Variants in LUC7L3 observed in about 807,000 individuals in gnomAD.
LUC7L3 encodes the protein luc7-like protein 3.
LUC7L3 carries 6 observed loss-of-function variants against 66.8 expected under a neutral mutation model. The observed-to-expected ratio is 0.09, with a 90% CI of 0.05 to 0.18. The LOEUF (loss-of-function observed/expected upper bound fraction) is 0.18, where lower values mean the gene tolerates loss of function less well. Ranked by LOEUF, LUC7L3 falls within the 10% of genes least tolerant of loss-of-function variation. The pLI is 1.00. For missense variants in LUC7L3, 341 were observed against 531.1 expected (o/e 0.64, Z 3.52); for synonymous variants, 160 against 174.7 (o/e 0.92, Z 0.66).
Position 50,751,659 on chromosome 17 carries a change from G to A in LUC7L3, c.*998G>A, listed in dbSNP as rs1417798609. On this transcript the variant is annotated 3_prime_UTR_variant, in exon 10 of 10. Transcript: ENST00000505658. ...CAATGCAATTCTCAAGTCTATAAGA[G>A]GTATGTGCTTAATATTTCCTACTGT... The A allele has an allele frequency of 1.8e-6, 2 of 1,093,934 alleles. No homozygotes were observed. The highest frequency in any genetic ancestry group is 2.2e-6 in the Non-Finnish European group (2 of 891,936). The allele number at this position is 1,093,934 out of a possible 1,614,324, so 67.8% of individuals were successfully genotyped here. A position where few individuals can be genotyped will look rare whatever the true frequency, so the allele number is the denominator to read the frequency against.
chr17:50,743,854 G>C (rs1214403884), intron 6 of LUC7L3, 44 bp downstream of exon 6: 1 of 1,347,290 alleles, frequency 7.4e-7, no homozygotes, highest in Non-Finnish European at 1.1e-6. Context: ...TCTGTTAACA[G>C]TTAGTAGGAA....
intron 1 of LUC7L3, among the ~76,000 whole-genome samples, chr17:50,726,359 A>G (rs538232173): frequency 1.3e-5 from 2 of 152,010 alleles, no homozygotes; most frequent in Admixed American, 1.3e-4. Flanking sequence ...TTTAGTAGAG[A>G]TGGGGTTTTG....
chr17:50,731,181 C>G, intron 1 of LUC7L3, among the ~76,000 whole-genome samples: 1 of 152,036 alleles, frequency 6.6e-6, no homozygotes, highest in East Asian at 1.9e-4. Context: ...TGGGTTTATT[C>G]TTTTTTTGAG....
chr17:50,732,768 G>T (rs903649494), intron 1 of LUC7L3, among the ~76,000 whole-genome samples: 1 of 151,956 alleles, frequency 6.6e-6, no homozygotes, highest in Non-Finnish European at 1.5e-5. Flanking sequence ...GACAGGTTGC[G>T]TTCTGTCACC....
chr17:50,752,383 CAT>C lies in LUC7L3; in HGVS notation c.*1723_*1724del, dbSNP rs1971017088. 1 of 392,988 alleles carries C rather than the reference CAT, an allele frequency of 2.5e-6. No individual in the cohort carries two copies. Among genetic ancestry groups the C allele is most frequent in the South Asian group, 2.9e-5 (1 of 34,668 alleles). The allele number at this position is 392,988 out of a possible 1,614,324, so 24.3% of individuals were successfully genotyped here. A position where few individuals can be genotyped will look rare whatever the true frequency, so the allele number is the denominator to read the frequency against. Reference sequence around the variant, plus strand: ...TGATGTGACCTACCAGATTTCAGAACATGTGTTAATAGTATATATGCCACTGA... The same window carrying C: ...TGATGTGACCTACCAGATTTCAGAACGTGTTAATAGTATATATGCCACTGA... On this transcript the variant is annotated 3_prime_UTR_variant, in exon 10 of 10. Coordinates refer to ENST00000505658, the MANE Select transcript of LUC7L3 (RefSeq NM_016424.5).
chr17:50,746,594 A>G lies in LUC7L3; in HGVS notation c.1030A>G (p.Arg344Gly). 1 of 1,614,162 alleles carries G rather than the reference A, an allele frequency of 6.2e-7. No homozygotes were observed. ...CCATGATCGATCAGAAAGAAAACAC[A>G]GATCTCGAAGTCGGGATCGAAGAAG... ...RSHDRSERKH[R>G]SRSRDRRRSK... Residue 344 changes from arginine (R) to glycine (G), a missense_variant, in exon 9 of 10, where the codon AGA becomes GGA. Physicochemically the swap from Arg to Gly is moderately radical, Grantham distance 125. Coordinates refer to ENST00000505658, the MANE Select transcript of LUC7L3 (RefSeq NM_016424.5).
At chr17:50,735,039 T>C (rs1400356661) in intron 1 of LUC7L3, among the ~76,000 whole-genome samples, 1 of 152,114 alleles carries the variant, frequency 6.6e-6, no homozygotes, top group Non-Finnish European at 1.5e-5. Flanking sequence ...GAGACCAGCC[T>C]AACCAACATG....
In LUC7L3 at chr17:50,743,806, C is replaced by T. The variant is rs1262728141; in HGVS notation, c.527C>T (p.Thr176Met). 5 of 1,606,560 alleles carry T rather than the reference C, an allele frequency of 3.1e-6. No homozygotes were observed. Among genetic ancestry groups the T allele is most frequent in the Non-Finnish European group, 4.3e-6 (5 of 1,173,602 alleles). The change falls in exon 6 of 10, where the codon ACG becomes ATG. Residue 176 changes from threonine to methionine, a missense_variant. Transcript: ENST00000505658. ...KEERELLRSTTSTIESFAAQE... is the reference protein window; with the variant it reads ...KEERELLRSTMSTIESFAAQE... ...GAGAGAGAACTGCTAAGGTCCACAA[C>T]GTCGGTGAGTAAACCTTATTTCACA...
At chr17:50,737,191 A>G in intron 2 of LUC7L3, 165 bp downstream of exon 2, 1 of 639,972 alleles carries the variant, frequency 1.6e-6, no homozygotes, top group Non-Finnish European at 2.8e-6. Flanking sequence ...GTATTAATAA[A>G]TGTCAGTCTG....
intron 3 of LUC7L3, 66 bp from the exon 4 acceptor site, chr17:50,741,036 T>C: frequency 6.7e-7 from 1 of 1,499,364 alleles, no homozygotes; most frequent in South Asian, 1.1e-5. Context: ...CTAGTTAAGA[T>C]AGAATATTTG....
Position 50,751,706 on chromosome 17 carries a change from C to G in LUC7L3, c.*1045C>G. 1 of 1,054,468 alleles carries G rather than the reference C, an allele frequency of 9.5e-7. No individual in the cohort carries two copies. The highest frequency in any genetic ancestry group is 1.1e-6 in the Non-Finnish European group (1 of 870,076). The allele number at this position is 1,054,468 out of a possible 1,614,324, so 65.3% of individuals were successfully genotyped here. On this transcript the variant is annotated 3_prime_UTR_variant, in exon 10 of 10. Coordinates refer to ENST00000505658, the MANE Select transcript of LUC7L3 (RefSeq NM_016424.5). Reference sequence around the variant, plus strand: ...CTGTGTAGGAGAATTTGCAGTCAGCCATAGGTATGTAGGAATAGTCACTCA... The same window carrying G: ...CTGTGTAGGAGAATTTGCAGTCAGCGATAGGTATGTAGGAATAGTCACTCA...
At chr17:50,740,905 C>G (rs1291114820) in intron 3 of LUC7L3, among the ~76,000 whole-genome samples, 197 bp from the exon 4 acceptor site, 3 of 152,146 alleles carry the variant, frequency 2.0e-5, no homozygotes, top group Non-Finnish European at 4.4e-5. Flanking sequence ...GTCATAGATC[C>G]AGTACAGTGG....
chr17:50,736,821 T>C (rs2146734543), intron 1 of LUC7L3, 139 bp from the exon 2 acceptor site: 1 of 623,336 alleles, frequency 1.6e-6, no homozygotes, highest in East Asian at 2.8e-5. Context: ...ATTTACCTAA[T>C]ATGATTCAAC....
At chr17:50,745,273 C>T (rs531820469) in intron 7 of LUC7L3, among the ~76,000 whole-genome samples, 5 of 152,126 alleles carry the variant, frequency 3.3e-5, no homozygotes, top group East Asian at 1.9e-4. Flanking sequence ...CCACTGCGCT[C>T]GGCCAGCGTA....
At chr17:50,728,285 C>A (rs557142246) in intron 1 of LUC7L3, among the ~76,000 whole-genome samples, 76 of 152,204 alleles carry the variant, frequency 5.0e-4, no homozygotes, top group Middle Eastern at 3.4e-3. Context: ...AATAGTGAAT[C>A]ATACCTGCAA....
intron 1 of LUC7L3, among the ~76,000 whole-genome samples, chr17:50,729,156 T>A (rs971188126): frequency 7.9e-5 from 12 of 152,170 alleles, no homozygotes; most frequent in African/African-American, 2.9e-4. Flanking sequence ...TGAGATAAAT[T>A]TGAGGTATAC....
intron 9 of LUC7L3, 76 bp downstream of exon 9, chr17:50,746,778 C>G: frequency 2.3e-6 from 3 of 1,325,702 alleles, no homozygotes; most frequent in Non-Finnish European, 3.1e-6. Flanking sequence ...TCTCCAGACA[C>G]AGGCAAAGAT....
chr17:50,737,728 C>T (rs1030334425), intron 2 of LUC7L3, among the ~76,000 whole-genome samples: 1 of 152,066 alleles, frequency 6.6e-6, no homozygotes, highest in Non-Finnish European at 1.5e-5. Context: ...TGCAAAATTG[C>T]CACTAGTGTA....
In LUC7L3 at chr17:50,751,515, T is replaced by C; in HGVS notation, c.*854T>C. The stretch of plus-strand genomic sequence containing the variant: ...ATTGCGTGAAAACTTATAAAACAAA[T>C]GTTAACAGAATGGAATTTTTTTTCA... On this transcript the variant is annotated 3_prime_UTR_variant, in exon 10 of 10. Coordinates refer to ENST00000505658, the MANE Select transcript of LUC7L3 (RefSeq NM_016424.5). 3 of 1,179,562 alleles carry C rather than the reference T, an allele frequency of 2.5e-6. No homozygotes were observed. Among genetic ancestry groups the C allele is most frequent in the Non-Finnish European group, 3.2e-6 (3 of 936,606 alleles). 73.1% of individuals were successfully genotyped at this position (1,179,562 alleles called of 1,614,324 possible).
Sources: allele counts gnomAD v4.1 joint callset (sites outside exome capture counted in the v4.1 genomes callset), GRCh38; gene constraint gnomAD v4.1.1; transcripts MANE v1.5; gene names NCBI Gene and HGNC (gene_info 2026-07-23, HGNC 2026-07-21).